Variants in SNPH observed in about 807,000 individuals in gnomAD.
The protein encoded by SNPH is syntaphilin.
SNPH carries 10 observed loss-of-function variants against 36.8 expected under a neutral mutation model. That is an observed-to-expected ratio of 0.27 (90% confidence interval 0.17 to 0.46). SNPH has a LOEUF of 0.46. SNPH is among the 20% of genes least tolerant of loss of function. The pLI, the probability that SNPH is intolerant of heterozygous loss-of-function variation, is 1.00. For missense variants in SNPH, 622 were observed against 744.0 expected (o/e 0.84, Z 1.91); for synonymous variants, 281 against 312.2 (o/e 0.90, Z 1.05).
rs532626243 is a variant in SNPH at position 1,287,262 on chromosome 20, C to T, written c.-492-7689C>T. ...TATTTGTGGTCAGCATGGATATTCCCTTCTTCCCTGGGCCTCTGTTTCAAT... is the reference window on the plus strand; with the variant it reads ...TATTTGTGGTCAGCATGGATATTCCTTTCTTCCCTGGGCCTCTGTTTCAAT... On this transcript the variant is annotated intron_variant, in intron 2 of 6. Transcript: ENST00000381867. 1.6e-4 allele frequency among the ~76,000 whole-genome samples: 25 copies of T among 152,302 alleles called. 1 individual carries two copies. The South Asian group carries it at 5.2e-3, about 32-fold the overall frequency.
chr20:1,271,491 G>A (rs974325042), intron 2 of SNPH, among the ~76,000 whole-genome samples: 6 of 152,054 alleles, frequency 3.9e-5, no homozygotes, highest in South Asian at 2.1e-4. Flanking sequence ...ATAGGCATGC[G>A]CCACCATGCC....
At chr20:1,269,451 G>A (rs1345888961) in intron 2 of SNPH, among the ~76,000 whole-genome samples, 1 of 152,194 alleles carries the variant, frequency 6.6e-6, no homozygotes, top group South Asian at 2.1e-4. Context: ...TGAGGGTTGC[G>A]CGGCTAGAAC....
chr20:1,275,489 G>A (rs2088121672), intron 2 of SNPH, among the ~76,000 whole-genome samples: 1 of 152,176 alleles, frequency 6.6e-6, no homozygotes, highest in South Asian at 2.1e-4. Context: ...TGACAGCCCA[G>A]GTAAGGAAAG....
chr20:1,295,939 G>C lies in SNPH; in HGVS notation c.-301G>C, dbSNP rs2088424498. On this transcript the variant is annotated 5_prime_UTR_variant, in exon 4 of 7. Transcript: ENST00000381867. Reference sequence around the variant, plus strand: ...GGGGGTGTGTGGGTCTGAGTATCAGGGTCCTGGGGAAGAAGCAGGCCTGGC... The same window carrying C: ...GGGGGTGTGTGGGTCTGAGTATCAGCGTCCTGGGGAAGAAGCAGGCCTGGC... 8.4e-6 allele frequency: 3 copies of C among 357,782 alleles called. No homozygotes were observed. The highest frequency in any genetic ancestry group is 2.1e-5 in the African/African-American group (1 of 47,082). The allele number at this position is 357,782 out of a possible 1,614,324, so 22.2% of individuals were successfully genotyped here. A position where few individuals can be genotyped will look rare whatever the true frequency, so the allele number is the denominator to read the frequency against.
chr20:1,299,616 T>C (rs759337790), intron 5 of SNPH, among the ~76,000 whole-genome samples: 5 of 152,238 alleles, frequency 3.3e-5, no homozygotes, highest in Non-Finnish European at 5.9e-5. Context: ...CGCCCTGTGC[T>C]GGGAGCAGTG....
chr20:1,285,110 C>G lies in SNPH; in HGVS notation c.-492-9841C>G, dbSNP rs2088269636. ...AGGGAATAAAAGCTGACAGGCTTTT[C>G]TGATAGACGTGAGAGTGTTGGCCTA... On this transcript the variant is annotated intron_variant, in intron 2 of 6. Coordinates refer to ENST00000381867, the MANE Select transcript of SNPH (RefSeq NM_001318234.2). This position sits in a 1 kb window ranked among gnomAD's most constrained non-coding sequence, Gnocchi z 4.9. Among the ~76,000 whole-genome samples, 1 of 152,126 alleles carries G rather than the reference C, an allele frequency of 6.6e-6. No individual in the cohort carries two copies. Among genetic ancestry groups the G allele is most frequent in the Non-Finnish European group, 1.5e-5 (1 of 68,028 alleles).
At chr20:1,278,431 A>G (rs956425900) in intron 2 of SNPH, among the ~76,000 whole-genome samples, 1 of 152,160 alleles carries the variant, frequency 6.6e-6, no homozygotes, top group Non-Finnish European at 1.5e-5. Context: ...ACAGTGTGGT[A>G]AATTCTGACA....
At chr20:1,299,381 C>T (rs756648562) in intron 5 of SNPH, among the ~76,000 whole-genome samples, 29 of 152,200 alleles carry the variant, frequency 1.9e-4, no homozygotes, top group Admixed American at 1.6e-3. Flanking sequence ...TCTCTAGTCG[C>T]GAGATACATG....
intron 2 of SNPH, among the ~76,000 whole-genome samples, chr20:1,279,190 T>G (rs540283155): frequency 1.5e-4 from 23 of 152,358 alleles, no homozygotes; most frequent in South Asian, 4.1e-4. Context: ...CGCGGCATTA[T>G]GGGAGTTTCA....
chr20:1,282,889 C>T (rs571218976), intron 2 of SNPH, among the ~76,000 whole-genome samples: 1 of 152,220 alleles, frequency 6.6e-6, no homozygotes, highest in South Asian at 2.1e-4. Flanking sequence ...TGATTCTGCC[C>T]TAGGACAAAG....
intron 6 of SNPH, 44 bp downstream of exon 6, chr20:1,300,755 T>C: frequency 6.4e-7 from 1 of 1,568,402 alleles, no homozygotes; most frequent in Non-Finnish European, 8.6e-7. Flanking sequence ...CCCCACCAGC[T>C]CCACACTCAG....
At position 1,297,570 on chromosome 20, in the gene SNPH, C is replaced by A. The variant is rs538779391; in HGVS notation, c.290+318C>A. 9.1e-4 allele frequency among the ~76,000 whole-genome samples: 138 copies of A among 152,362 alleles called. 2 individuals carry two copies. Among genetic ancestry groups the A allele is most frequent in the African/African-American group, 3.2e-3 (133 of 41,584 alleles). On this transcript the variant is annotated intron_variant, in intron 5 of 6. Coordinates refer to ENST00000381867, the MANE Select transcript of SNPH (RefSeq NM_001318234.2). ...CCTGTGTCTTCTCCCGCTGCTCCAC[C>A]ATCCTTGGTGTACAGCTTTTGTCTT...
rs775387236 is a variant in SNPH, at chr20:1,305,822, A to G, written c.1385A>G (p.Lys462Arg). Residue 462 changes from lysine (K) to arginine (R), a missense_variant, in exon 7 of 7, where the codon AAG becomes AGG. By Grantham distance (26) the Lys-to-Arg change is conservative (BLOSUM62 2). Coordinates refer to ENST00000381867, the MANE Select transcript of SNPH (RefSeq NM_001318234.2). ...GCTGCCGTGGCTGAGAAGGAGCCCA[A>G]GAGCTACTGGAGCCGCCACTACATC... is the stretch of plus-strand genomic sequence containing the variant. Reference protein sequence around the residue: ...EEAAVAEKEPKSYWSRHYIVD... With the variant: ...EEAAVAEKEPRSYWSRHYIVD... 4 of 1,578,394 alleles carry G rather than the reference A, an allele frequency of 2.5e-6. No individual in the cohort carries two copies. Among genetic ancestry groups the G allele is most frequent in the Non-Finnish European group, 2.6e-6 (3 of 1,162,038 alleles).
rs1299712876 is a variant in SNPH, at chr20:1,285,137, C to A, written c.-492-9814C>A. On this transcript the variant is annotated intron_variant, in intron 2 of 6. Transcript: ENST00000381867. The surrounding 1 kb of genome is among the most constrained non-coding windows in gnomAD (Gnocchi z 4.9). Reference sequence around the variant, plus strand: ...GATAGACGTGAGAGTGTTGGCCTACCCGACTGGAATGATGGGATTGCCATT... The same window carrying A: ...GATAGACGTGAGAGTGTTGGCCTACACGACTGGAATGATGGGATTGCCATT... Among the ~76,000 whole-genome samples, 1 of 152,044 alleles carries A rather than the reference C, an allele frequency of 6.6e-6. No homozygotes were observed. Among genetic ancestry groups the A allele is most frequent in the African/African-American group, 2.4e-5 (1 of 41,372 alleles).
At chr20:1,293,686 G>T (rs747981801) in intron 2 of SNPH, among the ~76,000 whole-genome samples, 1 of 152,220 alleles carries the variant, frequency 6.6e-6, no homozygotes, top group Non-Finnish European at 1.5e-5. Context: ...CAGGGGAAAT[G>T]CGTCTTCCAC....
At chr20:1,279,962 C>T (rs1381337051) in intron 2 of SNPH, among the ~76,000 whole-genome samples, 1 of 152,196 alleles carries the variant, frequency 6.6e-6, no homozygotes, top group Non-Finnish European at 1.5e-5. Context: ...ACCCTCCCAA[C>T]AGCAAGGGCG....
intron 2 of SNPH, among the ~76,000 whole-genome samples, chr20:1,283,171 T>C (rs1240754294): frequency 6.6e-6 from 1 of 152,164 alleles, no homozygotes; most frequent in African/African-American, 2.4e-5. Context: ...TCAGCCCAAG[T>C]AGCCCATTCT....
Position 1,304,904 on chromosome 20 carries a change from C to T in SNPH, c.467C>T (p.Thr156Met), listed in dbSNP as rs767102450. ...GACACAGAGATTGATGACCTGAAGA[C>T]GCAGCTGTCACGCATGCAGGAGGAC... ...DRDTEIDDLKTQLSRMQEDWI... is the reference protein window; with the variant it reads ...DRDTEIDDLKMQLSRMQEDWI... The change falls in exon 7 of 7, where the codon ACG becomes ATG. Residue 156 changes from threonine (T) to methionine (M), a missense_variant. Physicochemically the swap from Thr to Met is moderately conservative, Grantham distance 81 (BLOSUM62 -1). Transcript: ENST00000381867. The surrounding 1 kb of genome is among the most constrained non-coding windows in gnomAD (Gnocchi z 4.3). 2.5e-5 allele frequency: 40 copies of T among 1,613,140 alleles called. No individual in the cohort carries two copies. Among genetic ancestry groups the T allele is most frequent in the South Asian group, 9.9e-5 (9 of 91,068 alleles).
At chr20:1,297,674 C>T (rs1199775799) in intron 5 of SNPH, among the ~76,000 whole-genome samples, 1 of 152,214 alleles carries the variant, frequency 6.6e-6, no homozygotes. Flanking sequence ...GACCAAAGCC[C>T]TTCTCAGAGA....
Sources: allele counts gnomAD v4.1 joint callset (sites outside exome capture counted in the v4.1 genomes callset), GRCh38; gene constraint gnomAD v4.1.1; non-coding constraint Gnocchi (gnomAD v3.1); transcripts MANE v1.5; gene names NCBI Gene and HGNC (gene_info 2026-07-23, HGNC 2026-07-21).